Variants in ALKBH8 observed in about 807,000 individuals in gnomAD.
The protein encoded by ALKBH8 is alkB homolog 8, tRNA methyltransferase, also known as tRNA (carboxymethyluridine(34)-5-O)-methyltransferase ALKBH8.
A neutral mutation model predicts 59.8 loss-of-function variants in ALKBH8; 36 were observed. The observed-to-expected ratio is 0.60, with a 90% CI of 0.46 to 0.79. ALKBH8 has a LOEUF of 0.79. ALKBH8 is among the 30% of genes least tolerant of loss of function. The pLI, the probability that ALKBH8 is intolerant of heterozygous loss-of-function variation, is 0.00. For missense variants in ALKBH8, 768 were observed against 801.0 expected (o/e 0.96, Z 0.50); for synonymous variants, 276 against 273.6 (o/e 1.01, Z -0.09).
chr11:107,565,686 C>A lies in ALKBH8; in HGVS notation c.-92G>T. On this transcript the variant is annotated 5_prime_UTR_variant, in exon 1 of 12. Transcript: ENST00000428149. ...CCACTCTAGCACCAGAACACCGCAG[C>A]GGATACTTGCACGCCATCTCCCCTG... 2 of 1,535,024 alleles carry A rather than the reference C, an allele frequency of 1.3e-6. No individual in the cohort carries two copies.
At position 107,560,857 on chromosome 11, in the gene ALKBH8, T is replaced by C; in HGVS notation, c.37A>G (p.Lys13Glu). 1.2e-6 allele frequency: 2 copies of C among 1,612,992 alleles called. No homozygotes were observed. The highest frequency in any genetic ancestry group is 2.7e-5 in the African/African-American group (2 of 75,000). ...TTCCTTAAGAACTTCTTCTCAGTTT[T>C]ACTGAGTTTGTAATTACTTTGATGG... ...SNHQSNYKLS[K>E]TEKKFLRKQI... Residue 13 changes from lysine to glutamate, a missense_variant, in exon 2 of 12, where the codon AAA (lysine) becomes GAA (glutamate). Lys to Glu is a moderately conservative substitution (Grantham distance 56, BLOSUM62 1). Transcript: ENST00000428149.
At chr11:107,558,823 T>C (rs1414779708) in intron 2 of ALKBH8, among the ~76,000 whole-genome samples, 2 of 152,206 alleles carry the variant, frequency 1.3e-5, no homozygotes, top group African/African-American at 4.8e-5. Context: ...TGTGAATTTT[T>C]TTTAAGTTAT....
intron 5 of ALKBH8, among the ~76,000 whole-genome samples, chr11:107,552,637 C>A (rs1864544428): frequency 6.6e-6 from 1 of 152,124 alleles, no homozygotes; most frequent in South Asian, 2.1e-4. Flanking sequence ...TGAGAATATG[C>A]TGGTACAACT....
chr11:107,559,996 T>C (rs1864873073), intron 2 of ALKBH8, among the ~76,000 whole-genome samples: 1 of 152,208 alleles, frequency 6.6e-6, no homozygotes, highest in East Asian at 1.9e-4. Flanking sequence ...GAACTCCTTA[T>C]ATTCATGGAG....
chr11:107,533,793 A>G (rs1863696009), intron 7 of ALKBH8, among the ~76,000 whole-genome samples: 2 of 152,318 alleles, frequency 1.3e-5, no homozygotes, highest in South Asian at 4.1e-4. Context: ...TAGTAGACAT[A>G]TAAGTATTTA....
intron 8 of ALKBH8, among the ~76,000 whole-genome samples, chr11:107,526,224 CA>C (rs952554937): frequency 9.9e-5 from 15 of 151,914 alleles, no homozygotes; most frequent in African/African-American, 3.6e-4. Context: ...TGTTACACTC[CA>C]ACCGGCAATA....
At chr11:107,553,334 T>C (rs571823203) in intron 4 of ALKBH8, 131 bp from the exon 5 acceptor site, 20 of 552,678 alleles carry the variant, frequency 3.6e-5, no homozygotes, top group African/African-American at 2.7e-4. Flanking sequence ...TTATGGTCTT[T>C]AACAAAATTA....
chr11:107,520,277 G>C (rs1591264178), intron 10 of ALKBH8, among the ~76,000 whole-genome samples: 1 of 152,328 alleles, frequency 6.6e-6, no homozygotes, highest in East Asian at 1.9e-4. Flanking sequence ...GGGAACAACA[G>C]ACAGGAAAGA....
chr11:107,564,973 T>C (rs535313928), intron 1 of ALKBH8, among the ~76,000 whole-genome samples: 1 of 152,338 alleles, frequency 6.6e-6, no homozygotes, highest in African/African-American at 2.4e-5. Context: ...GGTGGCCTTC[T>C]TCAACGTTTT....
In ALKBH8 at chr11:107,505,239, T is replaced by C. The variant is rs1346170648; in HGVS notation, c.1438-24A>G. Reference sequence around the variant, plus strand: ...TCCTAATGAAAAAAAACAAAACACATGATCAACCTGGAAGAGACAGGAAAT... The same window carrying C: ...TCCTAATGAAAAAAAACAAAACACACGATCAACCTGGAAGAGACAGGAAAT... On this transcript the variant is annotated intron_variant, in intron 11 of 11. Coordinates refer to ENST00000428149, the MANE Select transcript of ALKBH8 (RefSeq NM_138775.3). 11 of 1,494,568 alleles carry C rather than the reference T, an allele frequency of 7.4e-6. No homozygotes were observed. The African/African-American group carries it at 9.9e-5, about 13-fold the overall frequency. The allele number at this position is 1,494,568 out of a possible 1,614,324, so 92.6% of individuals were successfully genotyped here.
chr11:107,526,967 G>A (rs1045013298), intron 8 of ALKBH8, among the ~76,000 whole-genome samples: 2 of 151,864 alleles, frequency 1.3e-5, no homozygotes, highest in Non-Finnish European at 2.9e-5. Flanking sequence ...TGATTATATA[G>A]CCATATAGTA....
Position 107,522,526 on chromosome 11 carries a change from T to A in ALKBH8, c.1060A>T (p.Lys354Ter). ...SYPLVCDSQRKETPPSFPESD... is the reference protein window; with the variant it reads ...SYPLVCDSQR ...TCTGGAAATGAGGGGGGAGTCTCTT[T>A]CCTCTGGCTATCACAGACCAACGGG... Residue 354 changes from lysine (K) to a stop codon, truncating the protein, a stop_gained, in exon 10 of 12, where the codon AAA becomes TAA. Coordinates refer to ENST00000428149, the MANE Select transcript of ALKBH8 (RefSeq NM_138775.3). LOFTEE classifies it high-confidence loss of function. 1 of 1,551,640 alleles carries A rather than the reference T, an allele frequency of 6.4e-7. No individual in the cohort carries two copies.
intron 7 of ALKBH8, among the ~76,000 whole-genome samples, chr11:107,544,951 A>G (rs1864189510): frequency 6.6e-6 from 1 of 152,080 alleles, no homozygotes; most frequent in Non-Finnish European, 1.5e-5. Flanking sequence ...AAAATCATAA[A>G]TAAGCTATAA....
At chr11:107,510,429 CA>C (rs1862573568) in intron 11 of ALKBH8, among the ~76,000 whole-genome samples, 1 of 150,700 alleles carries the variant, frequency 6.6e-6, no homozygotes, top group African/African-American at 2.4e-5. Context: ...GGAAGAAAAA[CA>C]GAATGGGAAA....
chr11:107,510,698 A>G (rs996543663), intron 11 of ALKBH8, among the ~76,000 whole-genome samples, 189 bp downstream of exon 11: 1 of 152,202 alleles, frequency 6.6e-6, no homozygotes, highest in Non-Finnish European at 1.5e-5. Flanking sequence ...GCCTCTGTTT[A>G]AGTAGAAGAT....
chr11:107,537,545 G>A (rs1210668047), intron 7 of ALKBH8, among the ~76,000 whole-genome samples: 2 of 151,982 alleles, frequency 1.3e-5, no homozygotes, highest in South Asian at 2.1e-4. Flanking sequence ...TCACACACTG[G>A]GGCCTGTTGG....
In ALKBH8 at chr11:107,553,121, C is replaced by T. The variant is rs745440419; in HGVS notation, c.582G>A (p.Lys194=). 124 of 1,594,494 alleles carry T rather than the reference C, an allele frequency of 7.8e-5. 1 individual carries two copies. The East Asian group carries it at 2.5e-3, about 32-fold the overall frequency. The change falls in exon 5 of 12, where the codon AAG becomes AAA. Residue 194 remains lysine (K), a synonymous_variant. Transcript: ENST00000428149. ...HYENNNVDKD[K]PLSGGLPDIC... is the part of the protein sequence containing the mutation. ...GCAATTACTTACCCCCAGATAATGG[C>T]TTATCTTTATCTACATTGTTGTTCT... is the stretch of plus-strand genomic sequence containing the variant.
At chr11:107,542,393 TTTAGTGCATGAGGAAAAA>T (rs1265004294) in intron 7 of ALKBH8, among the ~76,000 whole-genome samples, 5 of 152,084 alleles carry the variant, frequency 3.3e-5, no homozygotes, top group African/African-American at 1.2e-4. Context: ...AGATGAAATC[TTTAGTGCATGAGGAAAAA>T]TTAGTGCATG....
At position 107,556,754 on chromosome 11, in the gene ALKBH8, G is replaced by C. The variant is rs766031331; in HGVS notation, c.367+12C>G. On this transcript the variant is annotated intron_variant, in intron 3 of 11. Coordinates refer to ENST00000428149, the MANE Select transcript of ALKBH8 (RefSeq NM_138775.3). ...AAGAATCATTTTTTAAAAGATAATTGTATGATAATACCTTTTTCCACAAAA... is the reference window on the plus strand; with the variant it reads ...AAGAATCATTTTTTAAAAGATAATTCTATGATAATACCTTTTTCCACAAAA... The C allele has an allele frequency of 7.6e-7, 1 of 1,312,898 alleles. No homozygotes were observed. The highest frequency in any genetic ancestry group is 3.0e-5 in the Admixed American group (1 of 33,504). The allele number at this position is 1,312,898 out of a possible 1,614,324, so 81.3% of individuals were successfully genotyped here.
Sources: gnomAD v4.1 joint callset for allele counts (sites outside exome capture counted in the v4.1 genomes callset) on GRCh38, gnomAD v4.1.1 for gene constraint, MANE v1.5 for transcripts, NCBI Gene and HGNC (gene_info 2026-07-23, HGNC 2026-07-21) for gene names.